The following CCDC68 variants were observed in gnomAD, a reference collection of about 807,000 sequenced individuals.
CCDC68 encodes coiled-coil domain containing 68.
Under a neutral mutation model 47.1 loss-of-function variants are expected in CCDC68, and 45 were observed. The observed-to-expected ratio is 0.96, with a 90% CI of 0.75 to 1.23. The LOEUF (loss-of-function observed/expected upper bound fraction) is 1.23, where lower values mean the gene tolerates loss of function less well. CCDC68 is among the 50% of genes most tolerant of loss of function. The pLI is 0.00. For missense variants in CCDC68, 353 were observed against 373.6 expected (o/e 0.94, Z 0.45); for synonymous variants, 131 against 129.5 (o/e 1.01, Z -0.08).
chr18:54,939,121 G>C (rs2044395865), intron 4 of CCDC68, among the ~76,000 whole-genome samples: 1 of 152,132 alleles, frequency 6.6e-6, no homozygotes, highest in Admixed American at 6.5e-5. Flanking sequence ...TATGATTGCA[G>C]AAATAAAAAA....
intron 10 of CCDC68, among the ~76,000 whole-genome samples, chr18:54,911,692 C>T (rs751566729): frequency 6.6e-6 from 1 of 152,152 alleles, no homozygotes; most frequent in Non-Finnish European, 1.5e-5. Context: ...TTACACTTGA[C>T]AAAGCAATTT....
chr18:54,910,845 G>A (rs774377006), intron 10 of CCDC68, among the ~76,000 whole-genome samples: 6 of 152,224 alleles, frequency 3.9e-5, no homozygotes, highest in Admixed American at 6.5e-5. Flanking sequence ...ACTTTGCTCC[G>A]AGATTGGGGA....
chr18:54,932,689 G>C (rs1181304897), intron 7 of CCDC68, among the ~76,000 whole-genome samples: 2 of 152,154 alleles, frequency 1.3e-5, no homozygotes, highest in African/African-American at 2.4e-5. Context: ...ACAGCCCACT[G>C]TTGCGAGTTA....
At position 54,934,915 on chromosome 18, in the gene CCDC68, G is replaced by T; in HGVS notation, c.505C>A (p.Gln169Lys). 1.3e-6 allele frequency: 2 copies of T among 1,594,556 alleles called. No individual in the cohort carries two copies. The highest frequency in any genetic ancestry group is 1.7e-6 in the Non-Finnish European group (2 of 1,172,224). ...NKLEKEQKLK[Q>K]HVENLNQVAE... Reference sequence around the variant, plus strand: ...ACTTGATTCAGATTTTCAACATGTTGTTTCAATTTCTGTTCTTTTTCAAGC... The same window carrying T: ...ACTTGATTCAGATTTTCAACATGTTTTTTCAATTTCTGTTCTTTTTCAAGC... Residue 169 changes from glutamine to lysine, a missense_variant, in exon 7 of 12, where the codon CAA becomes AAA. Transcript: ENST00000591504.
chr18:54,930,021 T>C (rs2044215720), intron 7 of CCDC68, among the ~76,000 whole-genome samples: 1 of 152,230 alleles, frequency 6.6e-6, no homozygotes, highest in Non-Finnish European at 1.5e-5. Flanking sequence ...ATTAGAGCCC[T>C]GAGTCTGTGA....
intron 1 of CCDC68, among the ~76,000 whole-genome samples, chr18:54,947,166 G>A (rs2044542340): frequency 6.6e-6 from 1 of 152,072 alleles, no homozygotes; most frequent in Admixed American, 6.5e-5. Context: ...TAGATTAAGG[G>A]GATAAAATTT....
intron 10 of CCDC68, among the ~76,000 whole-genome samples, chr18:54,913,224 T>C (rs952150279): frequency 6.6e-6 from 1 of 152,146 alleles, no homozygotes; most frequent in Non-Finnish European, 1.5e-5. Flanking sequence ...GCTTTCAGGA[T>C]TAAAGAAAAC....
chr18:54,932,208 A>G lies in CCDC68; in HGVS notation c.600+2612T>C, dbSNP rs150631737. On this transcript the variant is annotated intron_variant, in intron 7 of 11. Coordinates refer to ENST00000591504, the MANE Select transcript of CCDC68 (RefSeq NM_025214.3). The stretch of plus-strand genomic sequence containing the variant: ...ATTTGGTTTTTTTTTTTTTTGAGAC[A>G]GAGTCCTGCTGTATCACCCAGGCTG... 3.7e-3 allele frequency among the ~76,000 whole-genome samples: 552 copies of G among 149,410 alleles called. 7 individuals are homozygous for G. Among genetic ancestry groups the G allele is most frequent in the African/African-American group, 0.013 (523 of 40,730 alleles).
chr18:54,930,657 T>TCCTCCCTC (rs2044234901), intron 7 of CCDC68, among the ~76,000 whole-genome samples: 1 of 9,228 alleles, frequency 1.1e-4, no homozygotes, highest in Non-Finnish European at 2.1e-4. Context: ...CTCCCTCCCT[T>TCCTCCCTC]CCTTCCTTCC....
At chr18:54,911,829 C>G (rs1161191402) in intron 10 of CCDC68, among the ~76,000 whole-genome samples, 4 of 152,186 alleles carry the variant, frequency 2.6e-5, no homozygotes, top group South Asian at 4.1e-4. Context: ...CAGTACCAAA[C>G]AATACAAAAG....
Position 54,947,281 on chromosome 18 carries a change from G to A in CCDC68, c.-102-1804C>T, listed in dbSNP as rs182716637. 9.3e-4 allele frequency among the ~76,000 whole-genome samples: 141 copies of A among 152,354 alleles called. 1 individual carries two copies. Among genetic ancestry groups the A allele is most frequent in the Admixed American group, 1.3e-3 (20 of 15,304 alleles). ...TACAGGTGGCATCACGCCAAGAGGA[G>A]GTATTTCCTAGACAAGTGCCTTTCA... On this transcript the variant is annotated intron_variant, in intron 1 of 11. Coordinates refer to ENST00000591504, the MANE Select transcript of CCDC68 (RefSeq NM_025214.3).
intron 8 of CCDC68, among the ~76,000 whole-genome samples, chr18:54,924,352 T>C (rs2044111719): frequency 1.3e-5 from 2 of 151,778 alleles, no homozygotes; most frequent in South Asian, 4.2e-4. Flanking sequence ...CTCTGGAACC[T>C]GGGATCCAAG....
intron 9 of CCDC68, 88 bp from the exon 10 acceptor site, chr18:54,918,084 C>T (rs748612547): frequency 2.0e-5 from 12 of 615,274 alleles, no homozygotes; most frequent in Non-Finnish European, 3.1e-5. Flanking sequence ...TTTCTGAGGT[C>T]AAAAGATGTT....
chr18:54,936,140 ATAT>A (rs1045684818), intron 6 of CCDC68, among the ~76,000 whole-genome samples: 9 of 145,848 alleles, frequency 6.2e-5, no homozygotes, highest in South Asian at 2.1e-4. Flanking sequence ...ATTTATATAG[ATAT>A]TATATATTTA....
intron 7 of CCDC68, among the ~76,000 whole-genome samples, chr18:54,933,119 G>A (rs1184941140): frequency 6.6e-6 from 1 of 152,062 alleles, no homozygotes. Context: ...GTCTCGCTAT[G>A]TCACCAGGCT....
At chr18:54,911,709 C>T (rs577784629) in intron 10 of CCDC68, among the ~76,000 whole-genome samples, 1 of 152,198 alleles carries the variant, frequency 6.6e-6, no homozygotes, top group South Asian at 2.1e-4. Flanking sequence ...ATTTGAAACA[C>T]ACTCCCTTGA....
intron 10 of CCDC68, among the ~76,000 whole-genome samples, chr18:54,914,738 A>C (rs751347279): frequency 5.9e-5 from 9 of 152,216 alleles, no homozygotes; most frequent in Non-Finnish European, 1.0e-4. Context: ...GCCACAAACC[A>C]AGAAGTTTTC....
At chr18:54,922,270 T>C (rs2044073819) in intron 8 of CCDC68, among the ~76,000 whole-genome samples, 1 of 151,940 alleles carries the variant, frequency 6.6e-6, no homozygotes, top group Non-Finnish European at 1.5e-5. Flanking sequence ...ACCCTAAGGA[T>C]GTTGCGGGGA....
At chr18:54,957,118 C>T (rs963664298) in intron 1 of CCDC68, among the ~76,000 whole-genome samples, 4 of 152,060 alleles carry the variant, frequency 2.6e-5, no homozygotes, top group Non-Finnish European at 5.9e-5. Context: ...GTCATCCATA[C>T]TACAAGTTTA....
Sources: allele counts gnomAD v4.1 joint callset (sites outside exome capture counted in the v4.1 genomes callset), GRCh38; gene constraint gnomAD v4.1.1; transcripts MANE v1.5; gene names NCBI Gene and HGNC (gene_info 2026-07-23, HGNC 2026-07-21).